The following CALN1 variants were observed in gnomAD, a reference collection of about 807,000 sequenced individuals.
The protein encoded by CALN1 is calcium-binding protein 8.
In CALN1, 17 loss-of-function variants were observed where a neutral mutation model predicts 30.6. The ratio of observed to expected loss-of-function variants is 0.56; its 90% CI spans 0.38 to 0.83. The LOEUF is 0.83. Among genes scored for constraint, CALN1 ranks in the 40% least tolerant of loss-of-function variants. The probability of loss-of-function intolerance (pLI) is 0.00; values close to 1 mark genes in which losing one functional copy is unlikely to be tolerated. For missense variants in CALN1, 291 were observed against 354.9 expected (o/e 0.82, Z 1.45); for synonymous variants, 156 against 131.4 (o/e 1.19, Z -1.28).
intron 3 of CALN1, among the ~76,000 whole-genome samples, chr7:72,266,865 C>A (rs764898069): frequency 1.3e-5 from 2 of 152,190 alleles, no homozygotes; most frequent in Non-Finnish European, 2.9e-5. Context: ...AGCCTCACAA[C>A]TCTCCACAAA....
At chr7:72,357,709 T>C (rs1164286695) in intron 2 of CALN1, among the ~76,000 whole-genome samples, 1 of 151,720 alleles carries the variant, frequency 6.6e-6, no homozygotes, top group Non-Finnish European at 1.5e-5. Flanking sequence ...AGGCAAAATT[T>C]AAAAGTATTT....
At chr7:71,914,475 G>T (rs1794587436) in intron 5 of CALN1, among the ~76,000 whole-genome samples, 1 of 152,104 alleles carries the variant, frequency 6.6e-6, no homozygotes, top group African/African-American at 2.4e-5. Flanking sequence ...TTGAGTCTGT[G>T]TCTTGGCTAT....
At chr7:71,958,620 T>C (rs1797088680) in intron 5 of CALN1, among the ~76,000 whole-genome samples, 1 of 152,166 alleles carries the variant, frequency 6.6e-6, no homozygotes, top group Non-Finnish European at 1.5e-5. Context: ...TCCAAATATA[T>C]AAAAACAGCA....
chr7:72,180,609 T>TC (rs1280549421), intron 3 of CALN1, among the ~76,000 whole-genome samples: 1 of 144,264 alleles, frequency 6.9e-6, no homozygotes, highest in Non-Finnish European at 1.5e-5. Context: ...TTTTTTTTCT[T>TC]TTTTTTTTTT....
At chr7:72,015,624 T>G (rs957906527) in intron 5 of CALN1, among the ~76,000 whole-genome samples, 1 of 152,012 alleles carries the variant, frequency 6.6e-6, no homozygotes, top group Non-Finnish European at 1.5e-5. Context: ...AATTATTATT[T>G]CTAGAGATGG....
rs1791625093 is a variant in CALN1 at position 71,867,030 on chromosome 7, A to C, written c.502-56538T>G. 2.0e-5 allele frequency among the ~76,000 whole-genome samples: 3 copies of C among 152,032 alleles called. No homozygotes were observed. In the South Asian group the frequency reaches 6.2e-4, roughly 32 times the overall value. On this transcript the variant is annotated intron_variant, in intron 5 of 6. Transcript: ENST00000395275. ...GGTGGTGGTGCATGCCTGTAATCCC[A>C]GCTACTCAGGCAGCGGAGGCAGGGG...
chr7:72,474,457 G>A, the CALN1 span, among the ~76,000 whole-genome samples: 1 of 152,096 alleles, frequency 6.6e-6, no homozygotes, highest in South Asian at 2.1e-4. Context: ...AGGCTGAGGT[G>A]GGAGGATCGC....
At chr7:72,409,597 T>C (rs1290622240) in intron 1 of CALN1, among the ~76,000 whole-genome samples, 2 of 151,900 alleles carry the variant, frequency 1.3e-5, no homozygotes, top group African/African-American at 2.4e-5. Context: ...CTTTCATGGA[T>C]TTGATCCCTT....
At chr7:72,040,335 A>G (rs1042272075) in intron 4 of CALN1, among the ~76,000 whole-genome samples, 6 of 151,676 alleles carry the variant, frequency 4.0e-5, no homozygotes, top group Admixed American at 1.3e-4. Context: ...AAAAAAAAAA[A>G]ATAGCCAGCT....
chr7:72,203,508 T>C (rs1047608833), intron 3 of CALN1, among the ~76,000 whole-genome samples: 2 of 152,148 alleles, frequency 1.3e-5, no homozygotes, highest in African/African-American at 4.8e-5. Context: ...CCTGCAATAC[T>C]TCCCTTGATA....
At chr7:71,938,800 C>T (rs1447718412) in intron 5 of CALN1, among the ~76,000 whole-genome samples, 2 of 152,002 alleles carry the variant, frequency 1.3e-5, no homozygotes, top group African/African-American at 4.8e-5. Context: ...AAAAAACAAA[C>T]AAATGAACAA....
At chr7:71,804,544 T>C (rs1787493711) in intron 6 of CALN1, among the ~76,000 whole-genome samples, 1 of 152,154 alleles carries the variant, frequency 6.6e-6, no homozygotes, top group South Asian at 2.1e-4. Context: ...ACTCACTGGG[T>C]GCCGTGGCTC....
At chr7:72,472,535 A>G in the CALN1 span, among the ~76,000 whole-genome samples, 1 of 152,192 alleles carries the variant, frequency 6.6e-6, no homozygotes, top group Non-Finnish European at 1.5e-5. Flanking sequence ...CTGTAGTCCC[A>G]GCACTTTGAG....
intron 3 of CALN1, among the ~76,000 whole-genome samples, chr7:72,121,520 G>T (rs1009456185): frequency 6.8e-6 from 1 of 147,638 alleles, no homozygotes; most frequent in African/African-American, 2.5e-5. Context: ...AATCAACACG[G>T]ACATGAGTCC....
intron 5 of CALN1, among the ~76,000 whole-genome samples, chr7:71,976,145 C>T (rs1222279640): frequency 1.3e-5 from 2 of 151,894 alleles, no homozygotes; most frequent in Non-Finnish European, 2.9e-5. Flanking sequence ...TTTATTTGAA[C>T]AATGATTTCG....
chr7:71,932,463 G>A (rs1562913259), intron 5 of CALN1, among the ~76,000 whole-genome samples: 3 of 152,082 alleles, frequency 2.0e-5, no homozygotes, highest in East Asian at 3.9e-4. Context: ...TATCGTGCCT[G>A]GTGGTAAAAT....
At chr7:72,172,990 C>CT (rs959964241) in intron 3 of CALN1, among the ~76,000 whole-genome samples, 204 of 149,152 alleles carry the variant, frequency 1.4e-3, no homozygotes, top group Non-Finnish European at 1.9e-3. Flanking sequence ...AGATAAATAT[C>CT]TTTTTTTTTT....
intron 3 of CALN1, among the ~76,000 whole-genome samples, chr7:72,139,584 C>T (rs986071888): frequency 6.6e-6 from 1 of 151,752 alleles, no homozygotes; most frequent in East Asian, 1.9e-4. Flanking sequence ...ATCGGCCACA[C>T]CCCTTTCTAA....
chr7:72,283,246 C>T (rs746028202), intron 2 of CALN1, among the ~76,000 whole-genome samples: 1 of 152,020 alleles, frequency 6.6e-6, no homozygotes, highest in African/African-American at 2.4e-5. Context: ...GATAAACGGC[C>T]AGGCATGGTG....
Sources: allele counts gnomAD v4.1 joint callset (sites outside exome capture counted in the v4.1 genomes callset), GRCh38; gene constraint gnomAD v4.1.1; transcripts MANE v1.5; gene names NCBI Gene and HGNC (gene_info 2026-07-23, HGNC 2026-07-21).